The following PPP2R2C variants were observed in gnomAD, a reference collection of about 807,000 sequenced individuals.
The protein encoded by PPP2R2C is protein phosphatase 2 regulatory subunit Bgamma, also known as protein phosphatase 2, regulatory subunit B, gamma.
Under a neutral mutation model 45.3 loss-of-function variants are expected in PPP2R2C, and 10 were observed. That is an observed-to-expected ratio of 0.22 (90% CI 0.14 to 0.37). PPP2R2C has a LOEUF of 0.37. PPP2R2C is among the 10% of genes least tolerant of loss of function. The pLI is 1.00. For synonymous variants in PPP2R2C, 257 were observed against 245.4 expected (o/e 1.05, Z -0.44); for missense variants, 308 against 619.7 (o/e 0.50, Z 5.34).
chr4:6,429,908 G>A (rs1446744085), intron 1 of PPP2R2C, among the ~76,000 whole-genome samples: 1 of 152,044 alleles, frequency 6.6e-6, no homozygotes, highest in Non-Finnish European at 1.5e-5. Flanking sequence ...TGGGAAGGAG[G>A]TCTATTGAAA....
intron 2 of PPP2R2C, among the ~76,000 whole-genome samples, chr4:6,487,078 ATAT>A (rs1722553090): frequency 6.6e-6 from 1 of 152,028 alleles, no homozygotes; most frequent in African/African-American, 2.4e-5. Context: ...CCTTCAGGTG[ATAT>A]TATAGCATGT....
intron 2 of PPP2R2C, among the ~76,000 whole-genome samples, chr4:6,513,320 G>A (rs62286142): frequency 0.16 from 24,673 of 152,178 alleles, 2,696 homozygotes; most frequent in Non-Finnish European, 0.25. Flanking sequence ...CCAAAGAGTG[G>A]GCACAGAGAT....
chr4:6,356,517 C>A (rs998657319), intron 5 of PPP2R2C, among the ~76,000 whole-genome samples: 1 of 152,254 alleles, frequency 6.6e-6, no homozygotes, highest in Non-Finnish European at 1.5e-5. Flanking sequence ...GGCTCCAGCT[C>A]TGCCGCTTGC....
At chr4:6,559,203 C>T (rs78575974) in intron 1 of PPP2R2C, among the ~76,000 whole-genome samples, 2,699 of 152,322 alleles carry the variant, frequency 0.018, 83 homozygotes, top group African/African-American at 0.061. Context: ...ATCCATCTCT[C>T]ACTGCTAAGC....
At chr4:6,346,539 G>A (rs983917870) in intron 6 of PPP2R2C, among the ~76,000 whole-genome samples, 9 of 152,178 alleles carry the variant, frequency 5.9e-5, no homozygotes, top group Admixed American at 3.3e-4. Context: ...CCCCGCAGAC[G>A]CCAGCTCCCG....
chr4:6,484,510 T>C (rs1046584348), intron 2 of PPP2R2C, among the ~76,000 whole-genome samples: 1 of 144,180 alleles, frequency 6.9e-6, no homozygotes, highest in Non-Finnish European at 1.5e-5. Context: ...TTTTTCAGTT[T>C]CTTAAAAAAA....
At chr4:6,464,913 G>A (rs1264475521) in intron 1 of PPP2R2C, among the ~76,000 whole-genome samples, 2 of 140,594 alleles carry the variant, frequency 1.4e-5, no homozygotes, top group African/African-American at 5.2e-5. Flanking sequence ...GGAAGGAAGG[G>A]AGGAAGGGAG....
chr4:6,399,367 C>T (rs961948635), intron 1 of PPP2R2C, among the ~76,000 whole-genome samples: 1 of 152,214 alleles, frequency 6.6e-6, no homozygotes, highest in African/African-American at 2.4e-5. Flanking sequence ...CTAATTTAAT[C>T]CCCTCAACGT....
chr4:6,539,802 C>A (rs1023019595), intron 1 of PPP2R2C, among the ~76,000 whole-genome samples: 1 of 152,200 alleles, frequency 6.6e-6, no homozygotes, highest in East Asian at 1.9e-4. Flanking sequence ...GCGGGCGATA[C>A]AGGAGTCTCC....
chr4:6,380,069 C>G (rs1715659029), intron 2 of PPP2R2C: 1 of 152,338 alleles, frequency 6.6e-6, no homozygotes, highest in African/African-American at 2.4e-5. Context: ...TCTTCTGCAT[C>G]TAATTCCAGG....
At chr4:6,498,953 C>T (rs73796230) in intron 2 of PPP2R2C, among the ~76,000 whole-genome samples, 342 of 152,248 alleles carry the variant, frequency 2.2e-3, no homozygotes, top group Non-Finnish European at 3.5e-3. Flanking sequence ...CTCCTCTCTC[C>T]CCGTCCCTCT....
At chr4:6,473,705 C>G (rs1722035131), upstream of PPP2R2C, among the ~76,000 whole-genome samples, 1 of 152,174 alleles carries the variant, frequency 6.6e-6, no homozygotes, top group Admixed American at 6.5e-5. Flanking sequence ...CCAGACAGCT[C>G]CCCAAACTGC....
chr4:6,389,693 C>T (rs1716468713), intron 1 of PPP2R2C, among the ~76,000 whole-genome samples: 1 of 152,180 alleles, frequency 6.6e-6, no homozygotes, highest in Non-Finnish European at 1.5e-5. Context: ...CTGGGCACTT[C>T]CTGGGAGCCA....
intron 1 of PPP2R2C, among the ~76,000 whole-genome samples, chr4:6,466,717 C>G (rs1721614850): frequency 6.6e-6 from 1 of 152,182 alleles, no homozygotes; most frequent in Non-Finnish European, 1.5e-5. Flanking sequence ...CATCCCTTAG[C>G]TCTGCAAGCT....
intron 6 of PPP2R2C, among the ~76,000 whole-genome samples, chr4:6,341,867 C>T (rs1297571960): frequency 6.6e-6 from 1 of 152,118 alleles, no homozygotes; most frequent in Non-Finnish European, 1.5e-5. Flanking sequence ...CACAGGCCAG[C>T]TGACGCCTTC....
At chr4:6,376,758 C>T (rs1015631906) in intron 3 of PPP2R2C, among the ~76,000 whole-genome samples, 1 of 152,182 alleles carries the variant, frequency 6.6e-6, no homozygotes, top group Non-Finnish European at 1.5e-5. Context: ...GTGGCTGACA[C>T]GTCCTTCTTA....
chr4:6,495,477 C>G (rs1202780858), intron 2 of PPP2R2C, among the ~76,000 whole-genome samples: 2 of 152,214 alleles, frequency 1.3e-5, no homozygotes, highest in Non-Finnish European at 2.9e-5. Context: ...CGGATCCCAC[C>G]TGGGATGAGC....
intron 1 of PPP2R2C, among the ~76,000 whole-genome samples, chr4:6,562,284 G>A (rs1457421701): frequency 6.6e-6 from 1 of 152,190 alleles, no homozygotes; most frequent in Non-Finnish European, 1.5e-5. Context: ...TCCCCTCCAT[G>A]TTGCTGACAG....
chr4:6,323,166 G>T lies in PPP2R2C; in HGVS notation c.*136C>A. On this transcript the variant is annotated 3_prime_UTR_variant, in exon 9 of 9. Coordinates refer to ENST00000382599, the MANE Select transcript of PPP2R2C (RefSeq NM_020416.4). Reference sequence around the variant, plus strand: ...CAGGGAGGGGGCCCAAACTTCCTGTGTCCACACACTGCCACCTCTGCAGCT... The same window carrying T: ...CAGGGAGGGGGCCCAAACTTCCTGTTTCCACACACTGCCACCTCTGCAGCT... 2 of 1,086,890 alleles carry T rather than the reference G, an allele frequency of 1.8e-6. No individual in the cohort carries two copies. The highest frequency in any genetic ancestry group is 2.4e-5 in the South Asian group (1 of 42,066). The allele number at this position is 1,086,890 out of a possible 1,614,324, so 67.3% of individuals were successfully genotyped here. A position where few individuals can be genotyped will look rare whatever the true frequency, so the allele number is the denominator to read the frequency against.
Sources: gnomAD v4.1 joint callset for allele counts (sites outside exome capture counted in the v4.1 genomes callset) on GRCh38, gnomAD v4.1.1 for gene constraint, MANE v1.5 for transcripts, NCBI Gene and HGNC (gene_info 2026-07-23, HGNC 2026-07-21) for gene names.